Variants in SULF1 observed in about 807,000 individuals in gnomAD.
SULF1 encodes the protein sulfatase 1.
A neutral mutation model predicts 110.5 loss-of-function variants in SULF1; 46 were observed. The observed-to-expected ratio is 0.42, with a 90% CI of 0.33 to 0.53. The LOEUF (loss-of-function observed/expected upper bound fraction) is 0.53. SULF1 is among the 20% of genes least tolerant of loss of function. The pLI is 0.12. For synonymous variants in SULF1, 371 were observed against 387.1 expected (o/e 0.96, Z 0.49); for missense variants, 941 against 1,094.2 (o/e 0.86, Z 1.98).
At chr8:69,627,912 C>A in intron 17 of SULF1, 46 bp downstream of exon 17, 2 of 1,458,774 alleles carry the variant, frequency 1.4e-6, no homozygotes, top group Non-Finnish European at 9.6e-7. Flanking sequence ...TTCATTTCCG[C>A]ACAAGCCAGA....
In SULF1 at chr8:69,638,509, T is replaced by C. The variant is rs773617911; in HGVS notation, c.2292T>C (p.Ser764=). The change falls in exon 20 of 23, where the codon TCT becomes TCC. Residue 764 remains serine, a synonymous_variant. Transcript: ENST00000402687. ...TTCTTTTTTACCCAACAGTGGGATC[T>C]TTCTGTGCTTGCACGAGTTCTAACA... ...WQTAPFWNLG[S]FCACTSSNNN... is the part of the protein sequence containing the mutation. 3.1e-6 allele frequency: 5 copies of C among 1,611,738 alleles called. No homozygotes were observed. Among genetic ancestry groups the C allele is most frequent in the African/African-American group, 2.7e-5 (2 of 74,732 alleles).
chr8:69,485,293 C>G (rs1214914521), intron 1 of SULF1, among the ~76,000 whole-genome samples: 2 of 152,142 alleles, frequency 1.3e-5, no homozygotes, highest in Admixed American at 1.3e-4. Context: ...ATTGTTCTAC[C>G]CTGTGCATTC....
intron 1 of SULF1, among the ~76,000 whole-genome samples, chr8:69,472,139 G>A (rs1051800604): frequency 1.3e-5 from 2 of 152,100 alleles, no homozygotes; most frequent in African/African-American, 4.8e-5. Flanking sequence ...CCTGGGTCCT[G>A]CACCAAGGAT....
chr8:69,510,717 A>T (rs997538100), intron 3 of SULF1, among the ~76,000 whole-genome samples: 1 of 151,582 alleles, frequency 6.6e-6, no homozygotes, highest in Non-Finnish European at 1.5e-5. Context: ...CCTGGGTTCA[A>T]GTGATTCTCC....
intron 8 of SULF1, among the ~76,000 whole-genome samples, chr8:69,592,112 AG>A (rs1476909505): frequency 1.3e-5 from 2 of 152,210 alleles, no homozygotes; most frequent in Non-Finnish European, 2.9e-5. Context: ...AAGGCTTCAA[AG>A]TGGGCCTCAA....
At chr8:69,616,163 T>TAATGTGTATATATATACAC (rs1809110614) in intron 13 of SULF1, among the ~76,000 whole-genome samples, 1 of 146,962 alleles carries the variant, frequency 6.8e-6, no homozygotes, top group Admixed American at 6.8e-5. Context: ...TGTGTATATA[T>TAATGTGTATATATATACAC]ACATATATAT....
At chr8:69,552,431 G>T (rs184550242) in intron 3 of SULF1, among the ~76,000 whole-genome samples, 1 of 152,164 alleles carries the variant, frequency 6.6e-6, no homozygotes, top group African/African-American at 2.4e-5. Flanking sequence ...TTCTTGCCTG[G>T]CTTTATTCTC....
chr8:69,518,194 T>G (rs931365601), intron 3 of SULF1, among the ~76,000 whole-genome samples: 1 of 152,236 alleles, frequency 6.6e-6, no homozygotes, highest in African/African-American at 2.4e-5. Flanking sequence ...AGAATTCACT[T>G]TTTTATTAGC....
chr8:69,610,871 G>T (rs1808597136), intron 13 of SULF1, among the ~76,000 whole-genome samples: 1 of 151,482 alleles, frequency 6.6e-6, no homozygotes, highest in African/African-American at 2.4e-5. Context: ...TTGCATGGAG[G>T]TTGTTACTTC....
chr8:69,532,327 T>G (rs1172748178), intron 3 of SULF1, among the ~76,000 whole-genome samples: 1 of 152,210 alleles, frequency 6.6e-6, no homozygotes, highest in Non-Finnish European at 1.5e-5. Flanking sequence ...ATTTTAAACT[T>G]CATTGAACCT....
At chr8:69,568,089 G>GT (rs747807134) in intron 5 of SULF1, among the ~76,000 whole-genome samples, 10 of 152,012 alleles carry the variant, frequency 6.6e-5, no homozygotes, top group Non-Finnish European at 1.3e-4. Context: ...GTTTTGTTTT[G>GT]TTTTTTACTC....
chr8:69,623,857 G>A, intron 14 of SULF1, 85 bp from the exon 15 acceptor site: 1 of 1,492,152 alleles, frequency 6.7e-7, no homozygotes, highest in Non-Finnish European at 9.1e-7. Flanking sequence ...TCCACTCCAG[G>A]ATCCCTTCTG....
intron 1 of SULF1, among the ~76,000 whole-genome samples, chr8:69,474,899 C>T (rs1312329372): frequency 6.6e-6 from 1 of 152,142 alleles, no homozygotes; most frequent in Non-Finnish European, 1.5e-5. Context: ...ACTGCACAAA[C>T]ACAAAACACA....
intron 22 of SULF1, among the ~76,000 whole-genome samples, chr8:69,658,195 G>T (rs944447114): frequency 4.1e-4 from 62 of 152,176 alleles, no homozygotes; most frequent in African/African-American, 1.4e-3. Context: ...TCTTCTGGTT[G>T]CAAAGTTGAT....
intron 3 of SULF1, among the ~76,000 whole-genome samples, chr8:69,542,519 G>A (rs71517249): frequency 0.024 from 3,654 of 151,614 alleles, 72 homozygotes; most frequent in Non-Finnish European, 0.034. Context: ...TCACCTCTCC[G>A]AATCTGTTTT....
chr8:69,568,740 A>C (rs1804992660), intron 5 of SULF1, among the ~76,000 whole-genome samples: 1 of 152,142 alleles, frequency 6.6e-6, no homozygotes, highest in South Asian at 2.1e-4. Flanking sequence ...TGGGTGGAAG[A>C]TTTACAATTT....
intron 2 of SULF1, among the ~76,000 whole-genome samples, chr8:69,500,650 T>A (rs553137495): frequency 7.7e-4 from 118 of 152,306 alleles, no homozygotes; most frequent in Non-Finnish European, 1.6e-3. Flanking sequence ...ATGCTTCTAA[T>A]AATTTGTGAT....
At chr8:69,558,624 C>A (rs554839127) in intron 3 of SULF1, among the ~76,000 whole-genome samples, 104 of 152,208 alleles carry the variant, frequency 6.8e-4, no homozygotes, top group African/African-American at 2.3e-3. Context: ...AGGACAGTTT[C>A]AAGGCTTTAA....
chr8:69,597,642 A>G (rs1182581407), intron 8 of SULF1: 3 of 152,182 alleles, frequency 2.0e-5, no homozygotes, highest in Non-Finnish European at 4.4e-5. Context: ...AAGCACATCA[A>G]GGTAACTGGT....
Sources: gnomAD v4.1 joint callset for allele counts (sites outside exome capture counted in the v4.1 genomes callset) on GRCh38, gnomAD v4.1.1 for gene constraint, MANE v1.5 for transcripts, NCBI Gene and HGNC (gene_info 2026-07-23, HGNC 2026-07-21) for gene names.